The following LRRFIP1 variants were observed in gnomAD, a reference collection of about 807,000 sequenced individuals.
LRRFIP1 encodes the protein leucine-rich repeat flightless-interacting protein 1.
LRRFIP1 carries 62 observed loss-of-function variants against 104.4 expected under a neutral mutation model. The ratio of observed to expected loss-of-function variants is 0.59; its 90% CI spans 0.48 to 0.73. The LOEUF is 0.73. LRRFIP1 is among the 30% of genes least tolerant of loss of function. LRRFIP1 has a pLI of 0.00. For missense variants in LRRFIP1, 796 were observed against 824.5 expected (o/e 0.97, Z 0.42); for synonymous variants, 300 against 299.0 (o/e 1.00, Z -0.03).
chr2:237,761,754 G>A (rs1238962126), intron 19 of LRRFIP1, among the ~76,000 whole-genome samples: 1 of 152,186 alleles, frequency 6.6e-6, no homozygotes, highest in Non-Finnish European at 1.5e-5. Context: ...CCTGGGATAT[G>A]GGCACCCCAC....
rs1450216634 is a variant in LRRFIP1 at position 237,758,895 on chromosome 2, G to A, written c.1317+74G>A. The A allele has an allele frequency of 4.0e-6, 4 of 988,926 alleles. No homozygotes were observed. In the African/African-American group the frequency reaches 6.5e-5, roughly 16 times the overall value. The allele number at this position is 988,926 out of a possible 1,614,324, so 61.3% of individuals were successfully genotyped here. A position where few individuals can be genotyped will look rare whatever the true frequency, so the allele number is the denominator to read the frequency against. On this transcript the variant is annotated intron_variant, in intron 18 of 23. Transcript: ENST00000308482. ...AGGTGACAACAGCAAATTTTGGGATGCTGTGAATATGTGTGTACATAATTC... is the reference window on the plus strand; with the variant it reads ...AGGTGACAACAGCAAATTTTGGGATACTGTGAATATGTGTGTACATAATTC...
In LRRFIP1 at chr2:237,763,610, A is replaced by G. The variant is rs3739041; in HGVS notation, c.1459+3405A>G. 0.021 allele frequency: 34,181 copies of G among 1,613,712 alleles called. 3,748 individuals are homozygous for G. In the African/African-American group the frequency reaches 0.3, roughly 14 times the overall value. Reference sequence around the variant, plus strand: ...CGAGGTGACTGAAAATCCAAAACAGAAAATTGCAGCAGAAAGCAGTGAAAA... The same window carrying G: ...CGAGGTGACTGAAAATCCAAAACAGGAAATTGCAGCAGAAAGCAGTGAAAA... On this transcript the variant is annotated intron_variant, in intron 19 of 23. Coordinates refer to ENST00000308482, the MANE Select transcript of LRRFIP1 (RefSeq NM_001137550.2).
chr2:237,692,584 G>A, intron 1 of LRRFIP1: 1 of 1,447,572 alleles, frequency 6.9e-7, no homozygotes, highest in Non-Finnish European at 9.2e-7. Context: ...GGGGCTTCCA[G>A]CTCGTTCCGA....
At chr2:237,694,513 T>G (rs775550106) in intron 1 of LRRFIP1, among the ~76,000 whole-genome samples, 6 of 152,170 alleles carry the variant, frequency 3.9e-5, no homozygotes, top group Non-Finnish European at 8.8e-5. Flanking sequence ...CCCTGGGCCA[T>G]GGGCTGGGTA....
In LRRFIP1 at chr2:237,714,286, T is replaced by G; in HGVS notation, c.201+10T>G. The G allele has an allele frequency of 6.3e-7, 1 of 1,597,768 alleles. No individual in the cohort carries two copies. The highest frequency in any genetic ancestry group is 8.6e-7 in the Non-Finnish European group (1 of 1,168,568). The stretch of plus-strand genomic sequence containing the variant: ...CTATCAGGTCCAAAAGGTAGGCTCT[T>G]CTTTCTTTATTTTCTAACTTGCATG... On this transcript the variant is annotated intron_variant, in intron 3 of 23. Coordinates refer to ENST00000308482, the MANE Select transcript of LRRFIP1 (RefSeq NM_001137550.2).
chr2:237,630,412 C>T (rs549447033), intron 1 of LRRFIP1, among the ~76,000 whole-genome samples: 3 of 152,280 alleles, frequency 2.0e-5, no homozygotes, highest in East Asian at 3.9e-4. Context: ...GGGAGGAACC[C>T]GGCGAGGACC....
chr2:237,747,899 C>T (rs1047571255), intron 11 of LRRFIP1, among the ~76,000 whole-genome samples: 3 of 152,040 alleles, frequency 2.0e-5, no homozygotes, highest in Non-Finnish European at 2.9e-5. Context: ...AAACCCTTCC[C>T]CCCACCCAGT....
At chr2:237,724,373 T>A (rs1269157626) in intron 7 of LRRFIP1, among the ~76,000 whole-genome samples, 1 of 152,234 alleles carries the variant, frequency 6.6e-6, no homozygotes, top group East Asian at 1.9e-4. Flanking sequence ...ATTCTTGTTT[T>A]AAAAATGTAT....
At chr2:237,732,730 C>T (rs1478917779) in intron 8 of LRRFIP1, among the ~76,000 whole-genome samples, 1 of 152,156 alleles carries the variant, frequency 6.6e-6, no homozygotes, top group Non-Finnish European at 1.5e-5. Flanking sequence ...CAATTGTTCC[C>T]CATTTGGGGT....
intron 23 of LRRFIP1, 118 bp downstream of exon 23, chr2:237,774,580 A>G (rs2060923749): frequency 7.2e-6 from 5 of 690,626 alleles, no homozygotes; most frequent in Non-Finnish European, 1.3e-5. Context: ...TTGTCAGATC[A>G]TCCCACACCA....
chr2:237,658,108 A>G (rs2087159766), intron 1 of LRRFIP1, among the ~76,000 whole-genome samples: 1 of 152,268 alleles, frequency 6.6e-6, no homozygotes, highest in Admixed American at 6.5e-5. Flanking sequence ...GCAGCTGGGT[A>G]TAAGCTACTG....
chr2:237,776,338 A>G (rs1402875352), intron 23 of LRRFIP1, among the ~76,000 whole-genome samples: 2 of 152,222 alleles, frequency 1.3e-5, no homozygotes, highest in Admixed American at 1.3e-4. Context: ...ATTTGTCAAT[A>G]CTTGCTTAAT....
chr2:237,714,254 T>A lies in LRRFIP1; in HGVS notation c.184-5T>A. On this transcript the variant is annotated splice_region_variant and splice_polypyrimidine_tract_variant and intron_variant, in intron 2 of 23. Coordinates refer to ENST00000308482, the MANE Select transcript of LRRFIP1 (RefSeq NM_001137550.2). ...ATTTCTTTTTTCTTCTGTCCTTCTC[T>A]ATAGATCTATCAGGTCCAAAAGGTA... 2 of 1,594,256 alleles carry A rather than the reference T, an allele frequency of 1.3e-6. No individual in the cohort carries two copies. The highest frequency in any genetic ancestry group is 1.7e-6 in the Non-Finnish European group (2 of 1,166,000).
chr2:237,657,265 T>A (rs1426171282), intron 1 of LRRFIP1, among the ~76,000 whole-genome samples: 2 of 151,952 alleles, frequency 1.3e-5, no homozygotes, highest in East Asian at 3.8e-4. Context: ...TAACAGTGAG[T>A]AGACAGGCAA....
intron 11 of LRRFIP1, among the ~76,000 whole-genome samples, chr2:237,739,695 C>G (rs979734280): frequency 6.6e-6 from 1 of 152,166 alleles, no homozygotes; most frequent in African/African-American, 2.4e-5. Context: ...CCCAATCATT[C>G]GTTACCCTCC....
chr2:237,698,363 G>C (rs546560512), intron 1 of LRRFIP1, among the ~76,000 whole-genome samples: 1 of 152,354 alleles, frequency 6.6e-6, no homozygotes, highest in East Asian at 1.9e-4. Flanking sequence ...AGGTGACAGA[G>C]CCCAAGCTGG....
intron 1 of LRRFIP1, among the ~76,000 whole-genome samples, chr2:237,636,520 T>G (rs1559440964): frequency 6.6e-6 from 1 of 152,182 alleles, no homozygotes; most frequent in Admixed American, 6.5e-5. Flanking sequence ...TACCTTTTCT[T>G]ACTACTCTAA....
intron 18 of LRRFIP1, 115 bp downstream of exon 18, chr2:237,758,936 G>C: frequency 1.6e-6 from 1 of 641,384 alleles, no homozygotes; most frequent in African/African-American, 1.8e-5. Flanking sequence ...ATGTCATTTA[G>C]TTCTGTTAAT....
intron 14 of LRRFIP1, among the ~76,000 whole-genome samples, chr2:237,752,273 G>T (rs548033800): frequency 1.3e-5 from 2 of 152,186 alleles, no homozygotes; most frequent in African/African-American, 4.8e-5. Context: ...AGGTGTGGTG[G>T]TGCGCACCTG....
Sources: allele counts gnomAD v4.1 joint callset (sites outside exome capture counted in the v4.1 genomes callset), GRCh38; gene constraint gnomAD v4.1.1; transcripts MANE v1.5; gene names NCBI Gene and HGNC (gene_info 2026-07-23, HGNC 2026-07-21).